The following SLC16A12 variants were observed in gnomAD, a reference collection of about 807,000 sequenced individuals.
SLC16A12 encodes the protein monocarboxylate transporter 12.
In SLC16A12, 17 loss-of-function variants were observed where a neutral mutation model predicts 42.4. That is an observed-to-expected ratio of 0.40 (90% CI 0.27 to 0.60). SLC16A12 has a LOEUF of 0.60. Ranked by LOEUF, SLC16A12 falls within the 20% of genes least tolerant of loss-of-function variation. The pLI is 0.42. For missense variants in SLC16A12, 544 were observed against 623.0 expected (o/e 0.87, Z 1.35); for synonymous variants, 224 against 229.4 (o/e 0.98, Z 0.21).
In SLC16A12 at chr10:89,528,805, G is replaced by A. The variant is rs150346534; in HGVS notation, c.-47+5696C>T. On this transcript the variant is annotated intron_variant, in intron 2 of 7. Coordinates refer to ENST00000371790, the MANE Select transcript of SLC16A12 (RefSeq NM_213606.4). ...CCTAGCCCTGTATCTCAGACCTACG[G>A]AATCAGAATTTTTCAGAGTAGGACA... is the stretch of plus-strand genomic sequence containing the variant. Among the ~76,000 whole-genome samples the A allele has an allele frequency of 5.2e-3, 796 of 152,222 alleles. 5 individuals are homozygous for A. The highest frequency in any genetic ancestry group is 0.019 in the African/African-American group (770 of 41,522).
chr10:89,476,637 C>A (rs2133778302), intron 2 of SLC16A12, among the ~76,000 whole-genome samples: 1 of 152,328 alleles, frequency 6.6e-6, no homozygotes, highest in South Asian at 2.1e-4. Flanking sequence ...GGAAATGGTA[C>A]ACGGAGCTTG....
At chr10:89,441,729 C>T (rs1269458034) in intron 4 of SLC16A12, among the ~76,000 whole-genome samples, 2 of 152,226 alleles carry the variant, frequency 1.3e-5, no homozygotes, top group East Asian at 1.9e-4. Context: ...CACAATCTGG[C>T]CCAGTTTTCA....
intron 2 of SLC16A12, among the ~76,000 whole-genome samples, chr10:89,511,419 G>A (rs544089063): frequency 2.4e-4 from 36 of 152,312 alleles, no homozygotes; most frequent in Middle Eastern, 3.4e-3. Context: ...ATGAGTTCAT[G>A]TCCTTTGCAG....
chr10:89,446,023 T>C (rs1841994827), intron 3 of SLC16A12, among the ~76,000 whole-genome samples: 1 of 152,040 alleles, frequency 6.6e-6, no homozygotes, highest in Non-Finnish European at 1.5e-5. Context: ...GAAGATCAAA[T>C]TAATGAAATG....
chr10:89,456,464 C>G (rs1408239213), intron 3 of SLC16A12, among the ~76,000 whole-genome samples: 1 of 152,088 alleles, frequency 6.6e-6, no homozygotes, highest in Non-Finnish European at 1.5e-5. Context: ...CAACCCAACT[C>G]AAGTGGCCAA....
intron 2 of SLC16A12, among the ~76,000 whole-genome samples, chr10:89,525,981 G>C (rs1402866190): frequency 1.3e-5 from 2 of 152,120 alleles, no homozygotes; most frequent in Admixed American, 1.3e-4. Context: ...AAATTCACTA[G>C]GTAACCACCC....
At chr10:89,540,726 C>T (rs1427428537) in intron 2 of SLC16A12, among the ~76,000 whole-genome samples, 1 of 152,168 alleles carries the variant, frequency 6.6e-6, no homozygotes, top group Non-Finnish European at 1.5e-5. Flanking sequence ...ACTCTCTTCT[C>T]CGATGTCACT....
At chr10:89,503,322 C>A (rs1190438937) in intron 2 of SLC16A12, among the ~76,000 whole-genome samples, 1 of 152,098 alleles carries the variant, frequency 6.6e-6, no homozygotes, top group Admixed American at 6.5e-5. Flanking sequence ...GGTGGTGACT[C>A]ACTTTAATAG....
intron 2 of SLC16A12, among the ~76,000 whole-genome samples, chr10:89,486,302 G>C (rs941353954): frequency 6.6e-6 from 1 of 152,022 alleles, no homozygotes; most frequent in Admixed American, 6.6e-5. Context: ...CAAAGATTGA[G>C]AATTGGCCTC....
intron 3 of SLC16A12, 86 bp downstream of exon 3, chr10:89,462,293 G>T: frequency 6.4e-7 from 1 of 1,565,386 alleles, no homozygotes. Context: ...TCTTCACAAT[G>T]ATGGGTTCAG....
chr10:89,530,596 TTAG>T (rs1003210955), intron 2 of SLC16A12, among the ~76,000 whole-genome samples: 1 of 152,048 alleles, frequency 6.6e-6, no homozygotes, highest in African/African-American at 2.4e-5. Context: ...TTTTTGTACT[TTAG>T]TACTAGAGAC....
Position 89,436,197 on chromosome 10 carries a change from C to T in SLC16A12, c.1151G>A (p.Gly384Asp), listed in dbSNP as rs1253138939. The T allele has an allele frequency of 6.2e-7, 1 of 1,613,908 alleles. No homozygotes were observed. The highest frequency in any genetic ancestry group is 1.1e-5 in the South Asian group (1 of 91,048). ...PLLVPFSCTF[G>D]YFDGAYVTLI... ...AGTCACATAGGCACCATCAAAGTAG[C>T]CAAAGGTACAAGAGAAAGGCACGAG... The change falls in exon 7 of 8, where the codon GGC becomes GAC. Residue 384 changes from glycine to aspartate, a missense_variant. Gly to Asp is a moderately conservative substitution (Grantham distance 94). Transcript: ENST00000371790.
intron 2 of SLC16A12, among the ~76,000 whole-genome samples, chr10:89,483,894 T>C (rs949579184): frequency 9.2e-5 from 14 of 152,212 alleles, no homozygotes; most frequent in Non-Finnish European, 2.9e-5. Context: ...ATACATGTAT[T>C]ATAATGCTGT....
Position 89,430,399 on chromosome 10 carries a change from A to G in SLC16A12, c.*2665T>C, listed in dbSNP as rs1841677449. ...AATTACAATCTGAACAAAAAGCCCA[A>G]TCATACAGTGTATCTACAAAGTTAG... On this transcript the variant is annotated 3_prime_UTR_variant, in exon 8 of 8. Transcript: ENST00000371790. The G allele has an allele frequency of 4.0e-6, 1 of 249,116 alleles. No individual in the cohort carries two copies. Among genetic ancestry groups the G allele is most frequent in the Admixed American group, 5.9e-5 (1 of 17,060 alleles). 15.4% of individuals were successfully genotyped at this position (249,116 alleles called of 1,614,324 possible). A position where few individuals can be genotyped will look rare whatever the true frequency, so the allele number is the denominator to read the frequency against.
intron 2 of SLC16A12, among the ~76,000 whole-genome samples, chr10:89,520,035 C>T (rs193195918): frequency 6.6e-6 from 1 of 151,434 alleles, no homozygotes; most frequent in East Asian, 2.0e-4. Context: ...ATTGCTTGAA[C>T]CTGGGAGGTG....
chr10:89,505,233 G>A (rs1241252725), intron 2 of SLC16A12, among the ~76,000 whole-genome samples: 1 of 152,020 alleles, frequency 6.6e-6, no homozygotes, highest in African/African-American at 2.4e-5. Flanking sequence ...TGGCTAACAT[G>A]GTGAAACCCC....
intron 5 of SLC16A12, 63 bp downstream of exon 5, chr10:89,441,045 G>T: frequency 6.3e-7 from 1 of 1,589,326 alleles, no homozygotes. Context: ...TTACTTCTCT[G>T]TTGATGTGCT....
intron 2 of SLC16A12, among the ~76,000 whole-genome samples, chr10:89,554,931 C>T (rs935371373): frequency 1.3e-5 from 2 of 152,140 alleles, no homozygotes; most frequent in African/African-American, 4.8e-5. Context: ...GGTGTTGAGG[C>T]TCCGCAAGCA....
At chr10:89,547,621 G>T (rs781150802) in intron 2 of SLC16A12, among the ~76,000 whole-genome samples, 3 of 152,040 alleles carry the variant, frequency 2.0e-5, no homozygotes, top group Non-Finnish European at 4.4e-5. Context: ...AATAAGAAAA[G>T]GTATGTGATC....
Sources: allele counts gnomAD v4.1 joint callset (sites outside exome capture counted in the v4.1 genomes callset), GRCh38; gene constraint gnomAD v4.1.1; transcripts MANE v1.5; gene names NCBI Gene and HGNC (gene_info 2026-07-23, HGNC 2026-07-21).